Variants in SDK2 observed in about 807,000 individuals in gnomAD.
SDK2 encodes protein sidekick-2.
SDK2 carries 105 observed loss-of-function variants against 253.9 expected under a neutral mutation model. The observed-to-expected ratio is 0.41, with a 90% CI of 0.35 to 0.49. The LOEUF is 0.49. SDK2 is among the 20% of genes least tolerant of loss of function. The probability of loss-of-function intolerance (pLI) is 0.06; values close to 1 mark genes in which losing one functional copy is unlikely to be tolerated. For synonymous variants in SDK2, 1,249 were observed against 1,234.9 expected (o/e 1.01, Z -0.24); for missense variants, 2,608 against 3,003.0 (o/e 0.87, Z 3.07).
rs1031310347 is a variant in SDK2 at position 73,644,301 on chromosome 17, C to T, written c.-213G>A. Among the ~76,000 whole-genome samples the T allele has an allele frequency of 2.6e-5, 4 of 152,306 alleles. No homozygotes were observed. Among genetic ancestry groups the T allele is most frequent in the African/African-American group, 9.6e-5 (4 of 41,588 alleles). On this transcript the variant is annotated 5_prime_UTR_variant, in exon 1 of 45. Transcript: ENST00000392650. This position sits in a 1 kb window ranked among gnomAD's most constrained non-coding sequence, Gnocchi z 6.3. ...ACTAGTCCGAGCCCGGCAGCGCGCC[C>T]GGAAGGCGAGGGGCGAGCAGGGAGA... is the stretch of plus-strand genomic sequence containing the variant.
chr17:73,608,921 GAGA>G (rs1413983564), intron 1 of SDK2, among the ~76,000 whole-genome samples: 2 of 152,212 alleles, frequency 1.3e-5, no homozygotes, highest in South Asian at 2.1e-4. Context: ...TGTCGCAGCG[GAGA>G]AGGATGATGA....
intron 16 of SDK2, 119 bp from the exon 17 acceptor site, chr17:73,416,111 C>T (rs1420474565): frequency 2.2e-6 from 2 of 900,028 alleles, no homozygotes; most frequent in South Asian, 1.7e-5. Context: ...AAGTGCTCTG[C>T]ACCTGTGCTG....
At chr17:73,503,073 C>T (rs1045345236) in intron 2 of SDK2, among the ~76,000 whole-genome samples, 3 of 152,122 alleles carry the variant, frequency 2.0e-5, no homozygotes, top group African/African-American at 4.8e-5. Flanking sequence ...TCTGCAAAGC[C>T]GGCTGGACTC....
intron 24 of SDK2, among the ~76,000 whole-genome samples, chr17:73,396,429 A>T (rs1348224686): frequency 2.0e-5 from 3 of 151,946 alleles, no homozygotes. Context: ...GGGGCTCTGG[A>T]GGGCCCTTGG....
At chr17:73,622,818 T>A (rs1186902379) in intron 1 of SDK2, among the ~76,000 whole-genome samples, 1 of 152,094 alleles carries the variant, frequency 6.6e-6, no homozygotes, top group Non-Finnish European at 1.5e-5. Context: ...CTGGTTCTGG[T>A]TTTCATTTTT....
chr17:73,483,696 TATATATATA>T (rs1329902296), intron 2 of SDK2, among the ~76,000 whole-genome samples: 15 of 81,456 alleles, frequency 1.8e-4, no homozygotes, highest in Admixed American at 6.3e-4. Flanking sequence ...TATATATATA[TATATATATA>T]TATTTTTTTT....
intron 2 of SDK2, among the ~76,000 whole-genome samples, chr17:73,489,536 C>T (rs1409009505): frequency 1.3e-5 from 2 of 152,192 alleles, no homozygotes; most frequent in East Asian, 1.9e-4. Flanking sequence ...CCCGCTGAGT[C>T]CTGCTCTCTG....
At position 73,430,626 on chromosome 17, in the gene SDK2, G is replaced by A; in HGVS notation, c.1481-13C>T. 6.6e-7 allele frequency: 1 copy of A among 1,519,038 alleles called. No homozygotes were observed. Among genetic ancestry groups the A allele is most frequent in the Non-Finnish European group, 8.9e-7 (1 of 1,128,494 alleles). 94.1% of individuals were successfully genotyped at this position (1,519,038 alleles called of 1,614,324 possible). A position where few individuals can be genotyped will look rare whatever the true frequency, so the allele number is the denominator to read the frequency against. Reference sequence around the variant, plus strand: ...ATGCGGGTCCGAGCTGAAAGATACAGCGGAGACAGCATGGTGAGAAGAGGT... The same window carrying A: ...ATGCGGGTCCGAGCTGAAAGATACAACGGAGACAGCATGGTGAGAAGAGGT... On this transcript the variant is annotated splice_polypyrimidine_tract_variant and intron_variant, in intron 11 of 44. Coordinates refer to ENST00000392650, the MANE Select transcript of SDK2 (RefSeq NM_001144952.2).
At chr17:73,497,714 G>A (rs1156540902) in intron 2 of SDK2, among the ~76,000 whole-genome samples, 3 of 151,310 alleles carry the variant, frequency 2.0e-5, no homozygotes, top group Non-Finnish European at 2.9e-5. Flanking sequence ...CCTCCTCTCT[G>A]CTCTCTTCCA....
Position 73,465,772 on chromosome 17 carries a change from G to T in SDK2, c.331+6340C>A, listed in dbSNP as rs1199091493. Among the ~76,000 whole-genome samples the T allele has an allele frequency of 6.6e-6, 1 of 152,190 alleles. No individual in the cohort carries two copies. The highest frequency in any genetic ancestry group is 6.5e-5 in the Admixed American group (1 of 15,284). Reference sequence around the variant, plus strand: ...CAGTTCTCTTTGGGAAGGGGGCTGGGTGCCAGGGGTTGGCCAGCCTGGCTC... The same window carrying T: ...CAGTTCTCTTTGGGAAGGGGGCTGGTTGCCAGGGGTTGGCCAGCCTGGCTC... On this transcript the variant is annotated intron_variant, in intron 3 of 44. Coordinates refer to ENST00000392650, the MANE Select transcript of SDK2 (RefSeq NM_001144952.2). This position sits in a 1 kb window ranked among gnomAD's most constrained non-coding sequence, Gnocchi z 4.2.
chr17:73,397,597 C>T (rs542805129), intron 24 of SDK2, among the ~76,000 whole-genome samples: 6 of 152,288 alleles, frequency 3.9e-5, no homozygotes, highest in South Asian at 2.1e-4. Context: ...GGATGGCCCA[C>T]GGTCAGGACC....
intron 18 of SDK2, among the ~76,000 whole-genome samples, chr17:73,406,845 C>T (rs903729050): frequency 1.3e-5 from 2 of 152,154 alleles, no homozygotes; most frequent in Non-Finnish European, 2.9e-5. Context: ...GTGCGAAGTC[C>T]ATCCCTAGAG....
intron 1 of SDK2, among the ~76,000 whole-genome samples, chr17:73,571,347 G>C (rs990678470): frequency 6.6e-6 from 1 of 152,048 alleles, no homozygotes; most frequent in Non-Finnish European, 1.5e-5. Flanking sequence ...CCTCACTGAG[G>C]CACCAGGGCG....
intron 5 of SDK2, among the ~76,000 whole-genome samples, chr17:73,445,689 C>A (rs2145640402): frequency 6.7e-6 from 1 of 149,382 alleles, no homozygotes; most frequent in South Asian, 2.1e-4. Context: ...TTGCTCCTCA[C>A]AAATTGGTTG....
At chr17:73,459,811 A>T (rs1351315771) in intron 3 of SDK2, among the ~76,000 whole-genome samples, 3 of 151,990 alleles carry the variant, frequency 2.0e-5, no homozygotes, top group Non-Finnish European at 4.4e-5. Context: ...TTACAGGTGT[A>T]AGCCACTGTG....
At chr17:73,599,789 G>C (rs975812692) in intron 1 of SDK2, among the ~76,000 whole-genome samples, 42 of 152,118 alleles carry the variant, frequency 2.8e-4, no homozygotes, top group Admixed American at 3.9e-4. Flanking sequence ...TCCTTGCCAG[G>C]CCCAACCTGT....
intron 2 of SDK2, among the ~76,000 whole-genome samples, chr17:73,505,369 C>T (rs913090110): frequency 6.6e-6 from 1 of 152,230 alleles, no homozygotes; most frequent in Admixed American, 6.5e-5. Flanking sequence ...TGAAACTACT[C>T]ATAGGATTGT....
intron 1 of SDK2, among the ~76,000 whole-genome samples, chr17:73,595,026 C>A (rs1271860885): frequency 6.6e-6 from 1 of 152,206 alleles, no homozygotes; most frequent in African/African-American, 2.4e-5. Flanking sequence ...CCTCCTCAAT[C>A]AGAACGCCAT....
chr17:73,397,173 T>C (rs983850922), intron 24 of SDK2, among the ~76,000 whole-genome samples: 1 of 152,216 alleles, frequency 6.6e-6, no homozygotes, highest in Admixed American at 6.5e-5. Context: ...GGATTCTCTA[T>C]GGAGCTGTGG....
Sources: allele counts gnomAD v4.1 joint callset (sites outside exome capture counted in the v4.1 genomes callset), GRCh38; gene constraint gnomAD v4.1.1; non-coding constraint Gnocchi (gnomAD v3.1); transcripts MANE v1.5; gene names NCBI Gene and HGNC (gene_info 2026-07-23, HGNC 2026-07-21).